Variants in FTO observed in about 807,000 individuals in gnomAD.
FTO encodes FTO alpha-ketoglutarate dependent dioxygenase.
FTO carries 47 observed loss-of-function variants against 63.9 expected under a neutral mutation model. The observed-to-expected ratio is 0.74, with a 90% CI of 0.58 to 0.94. FTO has a LOEUF of 0.94. Among genes scored for constraint, FTO ranks in the 40% least tolerant of loss-of-function variants. The pLI, the probability that FTO is intolerant of heterozygous loss-of-function variation, is 0.00. For missense variants in FTO, 562 were observed against 618.1 expected (o/e 0.91, Z 0.96); for synonymous variants, 207 against 224.4 (o/e 0.92, Z 0.69).
At chr16:53,813,618 T>C (rs1267473520) in intron 2 of FTO, among the ~76,000 whole-genome samples, 4 of 152,142 alleles carry the variant, frequency 2.6e-5, no homozygotes, top group Non-Finnish European at 5.9e-5. Flanking sequence ...CATGAGTAAA[T>C]AGAAAGTTCA....
At chr16:53,943,137 A>G (rs747907859) in intron 8 of FTO, among the ~76,000 whole-genome samples, 1 of 151,826 alleles carries the variant, frequency 6.6e-6, no homozygotes, top group South Asian at 2.1e-4. Context: ...ATAAAACCTG[A>G]TAACTCCATA....
chr16:53,856,749 CAA>C (rs113902497), intron 4 of FTO, among the ~76,000 whole-genome samples: 1 of 139,088 alleles, frequency 7.2e-6, no homozygotes. Context: ...GACTCCATCT[CAA>C]AAAAAAAAAC....
At chr16:53,864,977 C>G (rs547789601) in intron 4 of FTO, among the ~76,000 whole-genome samples, 2 of 152,096 alleles carry the variant, frequency 1.3e-5, no homozygotes, top group South Asian at 4.2e-4. Context: ...CAAAGTATAC[C>G]TTCTAGTGTT....
In FTO at chr16:54,042,803, A is replaced by AC. The variant is rs1261697897; in HGVS notation, c.1365-68954dup. 3.6e-5 allele frequency among the ~76,000 whole-genome samples: 2 copies of AC among 55,740 alleles called. 1 individual carries two copies. Among genetic ancestry groups the AC allele is most frequent in the African/African-American group, 3.9e-4 (2 of 5,160 alleles). The allele number at this position is 55,740 out of a possible 152,430, so 36.6% of individuals were successfully genotyped here. A position where few individuals can be genotyped will look rare whatever the true frequency, so the allele number is the denominator to read the frequency against. ...TCCTCAAGTGGGTCCCTGACCCCTGACCCCCGAGCAGCCTAACTGGGAGGC... is the reference window on the plus strand; with the variant it reads ...TCCTCAAGTGGGTCCCTGACCCCTGACCCCCCGAGCAGCCTAACTGGGAGGC... On this transcript the variant is annotated intron_variant, in intron 8 of 8. Transcript: ENST00000471389.
At chr16:53,881,122 AAAATAAATAAATAAAT>A (rs60470419) in intron 6 of FTO, among the ~76,000 whole-genome samples, 1 of 145,478 alleles carries the variant, frequency 6.9e-6, no homozygotes, top group Non-Finnish European at 1.5e-5. Flanking sequence ...ACTCCGTCTC[AAAATAAATAAATAAAT>A]AAATAAATAA....
At chr16:53,986,255 A>T (rs750997813) in intron 8 of FTO, among the ~76,000 whole-genome samples, 7 of 152,200 alleles carry the variant, frequency 4.6e-5, no homozygotes, top group Non-Finnish European at 1.0e-4. Flanking sequence ...TTATGACTGA[A>T]ATAGACAGGG....
intron 4 of FTO, among the ~76,000 whole-genome samples, chr16:53,872,120 G>A (rs1159528828): frequency 6.6e-6 from 1 of 152,208 alleles, no homozygotes; most frequent in Non-Finnish European, 1.5e-5. Context: ...TACTTCTGCA[G>A]TGATGCTTTC....
chr16:53,869,095 G>T (rs1159889214), intron 4 of FTO, among the ~76,000 whole-genome samples: 1 of 152,126 alleles, frequency 6.6e-6, no homozygotes, highest in Non-Finnish European at 1.5e-5. Context: ...GTCTCCCAAA[G>T]TGCTTGGATT....
Position 54,117,601 on chromosome 16 carries a change from G to T in FTO, c.*5686G>T, listed in dbSNP as rs1381675055. ...CTGTGGCTTGTTCAAGAAGAATATT[G>T]TGTCACTATCCCATATATTATCCCA... On this transcript the variant is annotated 3_prime_UTR_variant, in exon 9 of 9. Transcript: ENST00000471389. The T allele has an allele frequency of 2.0e-5, 3 of 152,138 alleles. No individual in the cohort carries two copies. The highest frequency in any genetic ancestry group is 2.9e-5 in the Non-Finnish European group (2 of 68,032). 9.4% of individuals were successfully genotyped at this position (152,138 alleles called of 1,614,324 possible). A position where few individuals can be genotyped will look rare whatever the true frequency, so the allele number is the denominator to read the frequency against.
chr16:53,778,002 T>C (rs1264503820), intron 1 of FTO, among the ~76,000 whole-genome samples: 1 of 152,190 alleles, frequency 6.6e-6, no homozygotes, highest in Non-Finnish European at 1.5e-5. Flanking sequence ...TCAGAAGTAC[T>C]TTATGTATGT....
chr16:53,979,632 G>A (rs2083500233), intron 8 of FTO: 1 of 388,082 alleles, frequency 2.6e-6, no homozygotes, highest in South Asian at 1.4e-4. Context: ...CATGTTAACT[G>A]TTAACAGCTG....
At chr16:54,042,147 C>T (rs1448860544) in intron 8 of FTO, among the ~76,000 whole-genome samples, 2 of 151,846 alleles carry the variant, frequency 1.3e-5, no homozygotes, top group Non-Finnish European at 2.9e-5. Flanking sequence ...CAGCTCCCAG[C>T]GTGAGTGACG....
intron 8 of FTO, among the ~76,000 whole-genome samples, chr16:54,087,339 G>A (rs945849549): frequency 6.6e-6 from 1 of 152,192 alleles, no homozygotes; most frequent in African/African-American, 2.4e-5. Flanking sequence ...TTTAAAATAA[G>A]TATAGTAAAT....
chr16:54,054,359 C>T (rs532090512), intron 8 of FTO, among the ~76,000 whole-genome samples: 7 of 152,080 alleles, frequency 4.6e-5, no homozygotes, highest in Non-Finnish European at 7.4e-5. Flanking sequence ...GGAAGGTGAA[C>T]GCGTGTGAAA....
At chr16:54,032,725 A>T (rs897149093) in intron 8 of FTO, among the ~76,000 whole-genome samples, 1 of 152,100 alleles carries the variant, frequency 6.6e-6, no homozygotes, top group Non-Finnish European at 1.5e-5. Flanking sequence ...TATAGTTTAG[A>T]TACTTGTCCC....
At chr16:53,886,731 C>G (rs903805964) in intron 6 of FTO, among the ~76,000 whole-genome samples, 1 of 152,174 alleles carries the variant, frequency 6.6e-6, no homozygotes, top group Non-Finnish European at 1.5e-5. Context: ...TTGGTATTCT[C>G]AGGTTACTTA....
chr16:54,001,437 GAGGC>G, intron 8 of FTO, among the ~76,000 whole-genome samples: 1 of 152,218 alleles, frequency 6.6e-6, no homozygotes, highest in African/African-American at 2.4e-5. Flanking sequence ...TGTACAACAT[GAGGC>G]CCCTAAACAT....
chr16:53,938,147 G>GAA, intron 8 of FTO, among the ~76,000 whole-genome samples: 1 of 152,314 alleles, frequency 6.6e-6, no homozygotes, highest in East Asian at 1.9e-4. Context: ...TCTGACCACT[G>GAA]ATTATTGTGC....
At chr16:54,008,555 A>T (rs2038091915) in intron 8 of FTO, 1 of 152,078 alleles carries the variant, frequency 6.6e-6, no homozygotes, top group African/African-American at 2.4e-5. Context: ...TCCAAAAAGT[A>T]TTTGACCAAG....
Sources: gnomAD v4.1 joint callset for allele counts (sites outside exome capture counted in the v4.1 genomes callset) on GRCh38, gnomAD v4.1.1 for gene constraint, MANE v1.5 for transcripts, NCBI Gene and HGNC (gene_info 2026-07-23, HGNC 2026-07-21) for gene names.